The following SLC9C2 variants were observed in gnomAD, a reference collection of about 807,000 sequenced individuals.
SLC9C2 encodes sodium/hydrogen exchanger 11.
SLC9C2 carries 75 observed loss-of-function variants against 140.2 expected under a neutral mutation model. The observed-to-expected ratio is 0.53, with a 90% CI of 0.44 to 0.65. SLC9C2 has a LOEUF of 0.65. SLC9C2 is among the 30% of genes least tolerant of loss of function. The probability of loss-of-function intolerance (pLI) is 0.00; values close to 1 mark genes in which losing one functional copy is unlikely to be tolerated. For synonymous variants in SLC9C2, 375 were observed against 420.9 expected (o/e 0.89, Z 1.34); for missense variants, 1,074 against 1,331.8 (o/e 0.81, Z 3.01).
chr1:173,561,964 G>T (rs982981296), intron 9 of SLC9C2, among the ~76,000 whole-genome samples: 14 of 151,928 alleles, frequency 9.2e-5, no homozygotes, highest in African/African-American at 3.1e-4. Flanking sequence ...CTGATTATAT[G>T]TAAACTAAAT....
chr1:173,542,723 G>A (rs562607802), intron 13 of SLC9C2, among the ~76,000 whole-genome samples: 13 of 152,060 alleles, frequency 8.5e-5, no homozygotes, highest in African/African-American at 2.2e-4. Flanking sequence ...ATCAATAAAC[G>A]TAATCCATTA....
rs2102291990 is a variant in SLC9C2 at position 173,602,822 on chromosome 1, A to C, written c.-151T>G. 6.6e-6 allele frequency: 1 copy of C among 152,294 alleles called. No individual in the cohort carries two copies. The highest frequency in any genetic ancestry group is 6.5e-5 in the Admixed American group (1 of 15,294). 9.4% of individuals were successfully genotyped at this position (152,294 alleles called of 1,614,324 possible). On this transcript the variant is annotated 5_prime_UTR_variant, in exon 1 of 28. Transcript: ENST00000367714. ...GTGAAGCAGAGGATGGGCCAGAAAG[A>C]GATTCAAAATGCTACATCTTCAAAT...
intron 23 of SLC9C2, among the ~76,000 whole-genome samples, chr1:173,516,699 T>A (rs1660445698): frequency 6.6e-6 from 1 of 152,246 alleles, no homozygotes; most frequent in South Asian, 2.1e-4. Flanking sequence ...CCATGTTTTC[T>A]TTATCCACTC....
chr1:173,565,873 GTTT>G (rs887360479), intron 9 of SLC9C2, among the ~76,000 whole-genome samples: 47 of 152,080 alleles, frequency 3.1e-4, no homozygotes, highest in Admixed American at 1.0e-3. Context: ...ATGAAGGCAT[GTTT>G]TTATTATGAA....
intron 5 of SLC9C2, among the ~76,000 whole-genome samples, chr1:173,586,818 G>A (rs1238166267): frequency 6.6e-6 from 1 of 152,144 alleles, no homozygotes; most frequent in African/African-American, 2.4e-5. Flanking sequence ...TCATAAGTGG[G>A]AGTTGAACAA....
intron 8 of SLC9C2, among the ~76,000 whole-genome samples, chr1:173,576,156 A>G (rs549713141): frequency 6.6e-6 from 1 of 152,326 alleles, no homozygotes; most frequent in South Asian, 2.1e-4. Context: ...CTAATTTATC[A>G]TAGTCTTTCA....
intron 9 of SLC9C2, among the ~76,000 whole-genome samples, chr1:173,564,293 G>A (rs1229099574): frequency 1.3e-5 from 2 of 152,188 alleles, no homozygotes; most frequent in Admixed American, 6.5e-5. Context: ...TCTTTGTAGT[G>A]GTTGTACTAA....
intron 27 of SLC9C2, among the ~76,000 whole-genome samples, chr1:173,502,060 T>A (rs1261745442): frequency 1.3e-5 from 2 of 151,814 alleles, no homozygotes; most frequent in Admixed American, 1.3e-4. Flanking sequence ...GATCATAAGG[T>A]CAGGAGATCG....
intron 23 of SLC9C2, among the ~76,000 whole-genome samples, chr1:173,511,369 T>A (rs10912631): frequency 0.12 from 18,365 of 152,006 alleles, 3,711 homozygotes; most frequent in African/African-American, 0.42. Flanking sequence ...CTGACTGGTG[T>A]GAGATGGTAT....
chr1:173,540,392 G>C (rs764589714), intron 13 of SLC9C2, among the ~76,000 whole-genome samples: 2 of 152,302 alleles, frequency 1.3e-5, no homozygotes, highest in African/African-American at 2.4e-5. Flanking sequence ...TGGGTTGCTT[G>C]GTTAAACAGC....
At chr1:173,528,818 A>G (rs1024961239) in intron 18 of SLC9C2, among the ~76,000 whole-genome samples, 2 of 152,332 alleles carry the variant, frequency 1.3e-5, no homozygotes, top group South Asian at 4.1e-4. Context: ...TCAGCTGTTG[A>G]TACTGTTCAC....
At chr1:173,565,083 T>A (rs1664389973) in intron 9 of SLC9C2, among the ~76,000 whole-genome samples, 1 of 149,794 alleles carries the variant, frequency 6.7e-6, no homozygotes, top group Non-Finnish European at 1.5e-5. Flanking sequence ...TTCTCCTGCC[T>A]CAGCCTCCCA....
intron 11 of SLC9C2, among the ~76,000 whole-genome samples, chr1:173,553,867 G>A (rs558197620): frequency 6.6e-6 from 1 of 152,110 alleles, no homozygotes; most frequent in South Asian, 2.1e-4. Flanking sequence ...AGACAAAATC[G>A]GGTCTCTGTA....
At chr1:173,501,328 A>G (rs549479860) in intron 27 of SLC9C2, among the ~76,000 whole-genome samples, 2 of 152,262 alleles carry the variant, frequency 1.3e-5, no homozygotes, top group East Asian at 1.9e-4. Flanking sequence ...CCATGAGAGT[A>G]GTCTATCAAA....
In SLC9C2 at chr1:173,509,554, A is replaced by G. The variant is rs765247625; in HGVS notation, c.3039+14T>C. The G allele has an allele frequency of 3.3e-5, 49 of 1,499,994 alleles. No individual in the cohort carries two copies. The highest frequency in any genetic ancestry group is 4.2e-5 in the Non-Finnish European group (47 of 1,128,156). 92.9% of individuals were successfully genotyped at this position (1,499,994 alleles called of 1,614,324 possible). ...AAAAATTCAATTTATTAATATTTTA[A>G]TCACATAACTTACCTCATCAATAAG... is the stretch of plus-strand genomic sequence containing the variant. On this transcript the variant is annotated intron_variant, in intron 24 of 27. Coordinates refer to ENST00000367714, the MANE Select transcript of SLC9C2 (RefSeq NM_178527.4).
intron 23 of SLC9C2, among the ~76,000 whole-genome samples, chr1:173,515,465 G>A (rs577710313): frequency 6.6e-6 from 1 of 152,188 alleles, no homozygotes; most frequent in South Asian, 2.1e-4. Context: ...ATTGATCCTT[G>A]TGCATGCTTC....
rs1302728459 is a variant in SLC9C2, at chr1:173,509,603, C to T, written c.3004G>A (p.Ala1002Thr). 6.3e-7 allele frequency: 1 copy of T among 1,590,804 alleles called. No homozygotes were observed. The highest frequency in any genetic ancestry group is 1.8e-5 in the Admixed American group (1 of 54,748). The part of the protein sequence containing the change: ...KIWLKLALST[A>T]YQYFESSLID... ...AGACTTGATTCAAAATACTGATAGG[C>T]AGTACTGAGAGCAAGCTTTAGCCAT... The change falls in exon 24 of 28, where the codon GCC becomes ACC. Residue 1002 changes from alanine to threonine, a missense_variant. Coordinates refer to ENST00000367714, the MANE Select transcript of SLC9C2 (RefSeq NM_178527.4).
intron 21 of SLC9C2, 76 bp from the exon 22 acceptor site, chr1:173,521,475 T>TTATA: frequency 3.8e-6 from 1 of 260,886 alleles, no homozygotes; most frequent in Non-Finnish European, 6.0e-6. Context: ...TCTAAATATT[T>TTATA]TCTATATATA....
chr1:173,525,640 A>T (rs574724945), intron 19 of SLC9C2, among the ~76,000 whole-genome samples: 1 of 152,344 alleles, frequency 6.6e-6, no homozygotes, highest in African/African-American at 2.4e-5. Context: ...GAGTAATTAT[A>T]AGGATTAAAT....
Sources: gnomAD v4.1 joint callset for allele counts (sites outside exome capture counted in the v4.1 genomes callset) on GRCh38, gnomAD v4.1.1 for gene constraint, MANE v1.5 for transcripts, NCBI Gene and HGNC (gene_info 2026-07-23, HGNC 2026-07-21) for gene names.